PCDHA12: variants seen among roughly 807,000 people sequenced by gnomAD.
The protein encoded by PCDHA12 is protocadherin alpha 12.
In PCDHA12, 44 loss-of-function variants were observed where a neutral mutation model predicts 60.0. That is an observed-to-expected ratio of 0.73 (90% CI 0.58 to 0.94). The LOEUF (loss-of-function observed/expected upper bound fraction) is 0.94, where lower values mean the gene tolerates loss of function less well. Among genes scored for constraint, PCDHA12 ranks in the 40% least tolerant of loss-of-function variants. PCDHA12 has a pLI of 0.00. For synonymous variants in PCDHA12, 569 were observed against 553.0 expected (o/e 1.03, Z -0.40); for missense variants, 1,276 against 1,239.7 (o/e 1.03, Z -0.44).
At chr5:140,923,219 CGTTTG>C (rs2081242278) in intron 1 of PCDHA12, among the ~76,000 whole-genome samples, 3 of 151,974 alleles carry the variant, frequency 2.0e-5, no homozygotes, top group Admixed American at 1.3e-4. Context: ...GTGAAAGGAT[CGTTTG>C]AGCCCAGAAG....
intron 1 of PCDHA12, among the ~76,000 whole-genome samples, chr5:140,904,217 T>C (rs1554191375): frequency 6.6e-6 from 1 of 151,964 alleles, no homozygotes; most frequent in Non-Finnish European, 1.5e-5. Flanking sequence ...CCAAAGTCCA[T>C]TGTATTATAC....
At position 140,875,947 on chromosome 5, in the gene PCDHA12, G is replaced by A; in HGVS notation, c.475G>A (p.Asp159Asn). The change falls in exon 1 of 4, where the codon GAT becomes AAT. Residue 159 changes from aspartate to asparagine, a missense_variant. Physicochemically the swap from Asp to Asn is conservative, Grantham distance 23. Coordinates refer to ENST00000398631, the MANE Select transcript of PCDHA12 (RefSeq NM_018903.4). Reference sequence around the variant, plus strand: ...TCATTTTCCTCTAGAGGGCGCTTCTGATGCGGATATCGGCGTAAACTCTCT... The same window carrying A: ...TCATTTTCCTCTAGAGGGCGCTTCTAATGCGGATATCGGCGTAAACTCTCT... ...DSHFPLEGAS[D>N]ADIGVNSLLT... 1 of 1,614,184 alleles carries A rather than the reference G, an allele frequency of 6.2e-7. No homozygotes were observed. Among genetic ancestry groups the A allele is most frequent in the South Asian group, 1.1e-5 (1 of 91,084 alleles).
chr5:140,882,116 GTTTC>G (rs1420968771), intron 1 of PCDHA12: 4 of 1,427,956 alleles, frequency 2.8e-6, no homozygotes, highest in South Asian at 1.4e-5. Flanking sequence ...GAAAGCCGCC[GTTTC>G]TTTCTTCCTG....
intron 1 of PCDHA12, among the ~76,000 whole-genome samples, chr5:140,903,175 A>G (rs1554190800): frequency 1.3e-5 from 2 of 152,170 alleles, no homozygotes; most frequent in Non-Finnish European, 2.9e-5. Context: ...TTACATTCCC[A>G]CCAATAGTAT....
At chr5:140,884,169 C>CG (rs2153400955) in intron 1 of PCDHA12, 1 of 1,613,426 alleles carries the variant, frequency 6.2e-7, no homozygotes, top group East Asian at 2.2e-5. Context: ...ATCAGCACGA[C>CG]GCGCCCTCTG....
rs782520879 is a variant in PCDHA12, at chr5:141,009,808, T to A, written c.2697T>A (p.Ile899=). Residue 899 remains isoleucine (I), a synonymous_variant, in exon 4 of 4, where the codon ATT becomes ATA. Transcript: ENST00000398631. ...GGCAGGAGCCTACTAACAGCCAAAT[T>A]GACAAAAGTGACTTCATAACCTTCG... The part of the protein sequence containing the change: ...SIRQEPTNSQ[I]DKSDFITFGK... The A allele has an allele frequency of 1.2e-6, 2 of 1,613,832 alleles. No homozygotes were observed. The highest frequency in any genetic ancestry group is 2.2e-5 in the South Asian group (2 of 91,042).
chr5:140,927,136 G>A (rs2083883058), intron 1 of PCDHA12: 3 of 1,613,986 alleles, frequency 1.9e-6, no homozygotes, highest in African/African-American at 2.7e-5. Flanking sequence ...AGAGCCGGCG[G>A]ACCGCGAACA....
At chr5:140,965,237 G>A (rs2095882583) in intron 1 of PCDHA12, among the ~76,000 whole-genome samples, 1 of 152,204 alleles carries the variant, frequency 6.6e-6, no homozygotes, top group African/African-American at 2.4e-5. Context: ...AACCTGGGAA[G>A]AGTGAATATT....
intron 1 of PCDHA12, among the ~76,000 whole-genome samples, chr5:140,941,231 C>CTTTCTTTCTTTCTTTCTT (rs2092927472): frequency 2.2e-5 from 3 of 136,876 alleles, no homozygotes; most frequent in African/African-American, 8.3e-5. Context: ...TTCTTTCTTT[C>CTTTCTTTCTTTCTTTCTT]TTTCTTTCTT....
At position 141,000,391 on chromosome 5, in the gene PCDHA12, CTCTCTATA is replaced by C. The variant is rs1374519322; in HGVS notation, c.2516-9234_2516-9227del. Reference sequence around the variant, plus strand: ...TCTCTCTCTCTCTCTCTCTCTCTCTCTCTCTATATATATATATATATATATATATATTT... The same window carrying C: ...TCTCTCTCTCTCTCTCTCTCTCTCTCTATATATATATATATATATATATTT... On this transcript the variant is annotated intron_variant, in intron 3 of 3. Transcript: ENST00000398631. Among the ~76,000 whole-genome samples the C allele has an allele frequency of 7.6e-3, 431 of 56,394 alleles. 1 individual carries two copies. The highest frequency in any genetic ancestry group is 0.013 in the African/African-American group (152 of 11,988). The allele number at this position is 56,394 out of a possible 152,430, so 37.0% of individuals were successfully genotyped here. A position where few individuals can be genotyped will look rare whatever the true frequency, so the allele number is the denominator to read the frequency against.
chr5:140,903,908 T>G (rs1248455998), intron 1 of PCDHA12, among the ~76,000 whole-genome samples: 2 of 152,242 alleles, frequency 1.3e-5, no homozygotes, highest in East Asian at 1.9e-4. Flanking sequence ...GTCAATGATG[T>G]GACTTCCTTG....
intron 1 of PCDHA12, among the ~76,000 whole-genome samples, chr5:140,920,841 T>TAAAA (rs781921146): frequency 7.3e-5 from 8 of 109,222 alleles, no homozygotes; most frequent in African/African-American, 1.0e-4. Flanking sequence ...AGACCAAATC[T>TAAAA]AAAAAAAAAA....
intron 1 of PCDHA12, among the ~76,000 whole-genome samples, chr5:140,937,848 C>G (rs939450579): frequency 1.4e-5 from 2 of 145,938 alleles, no homozygotes; most frequent in African/African-American, 2.5e-5. Flanking sequence ...GAAGGCGGAA[C>G]TTGGAGTGAG....
rs1475862780 is a variant in PCDHA12 at position 140,982,724 on chromosome 5, G to T, written c.2515+161G>T. On this transcript the variant is annotated intron_variant, in intron 3 of 3. Transcript: ENST00000398631. Reference sequence around the variant, plus strand: ...ATTTCCTTACATATATGATTATTTTGATTTTATACCTAATGCTCTTCAGGA... The same window carrying T: ...ATTTCCTTACATATATGATTATTTTTATTTTATACCTAATGCTCTTCAGGA... 5.5e-6 allele frequency: 5 copies of T among 906,286 alleles called. No homozygotes were observed. The African/African-American group carries it at 9.0e-5, about 16-fold the overall frequency. The allele number at this position is 906,286 out of a possible 1,614,324, so 56.1% of individuals were successfully genotyped here.
Position 140,877,038 on chromosome 5 carries a change from G to T in PCDHA12, c.1566G>T (p.Pro522=), listed in dbSNP as rs782221827. 4 of 1,612,418 alleles carry T rather than the reference G, an allele frequency of 2.5e-6. No individual in the cohort carries two copies. The highest frequency in any genetic ancestry group is 2.2e-5 in the East Asian group (1 of 44,884). ...AESGKVYALQ[P]LDHEELELLQ... The stretch of plus-strand genomic sequence containing the variant: ...GCGGCAAGGTGTACGCGCTGCAGCC[G>T]CTAGACCACGAGGAGCTGGAGCTGC... Residue 522 remains proline (P), a synonymous_variant, in exon 1 of 4, where the codon CCG becomes CCT. Coordinates refer to ENST00000398631, the MANE Select transcript of PCDHA12 (RefSeq NM_018903.4).
intron 3 of PCDHA12, among the ~76,000 whole-genome samples, chr5:140,994,922 G>A (rs184710391): frequency 4.6e-5 from 7 of 152,342 alleles, no homozygotes; most frequent in African/African-American, 9.6e-5. Context: ...ATCAGATTTT[G>A]TAGGACCTTA....
intron 1 of PCDHA12, chr5:140,927,303 G>T: frequency 6.2e-7 from 1 of 1,614,150 alleles, no homozygotes. Flanking sequence ...CCGAGTTCCT[G>T]ACGCCCGGAG....
intron 1 of PCDHA12, chr5:140,883,493 C>G: frequency 6.2e-7 from 1 of 1,614,174 alleles, no homozygotes; most frequent in Non-Finnish European, 8.5e-7. Flanking sequence ...CTCATTAGTG[C>G]TGGACAGCGC....
chr5:140,987,358 T>C (rs1554249108), intron 3 of PCDHA12, among the ~76,000 whole-genome samples: 2 of 152,208 alleles, frequency 1.3e-5, no homozygotes, highest in Non-Finnish European at 2.9e-5. Context: ...CCTGAGGTTG[T>C]CTTATATCAT....
Sources: allele counts gnomAD v4.1 joint callset (sites outside exome capture counted in the v4.1 genomes callset), GRCh38; gene constraint gnomAD v4.1.1; transcripts MANE v1.5; gene names NCBI Gene and HGNC (gene_info 2026-07-23, HGNC 2026-07-21).